CROCC: variants seen among roughly 807,000 people sequenced by gnomAD.
The protein encoded by CROCC is ciliary rootlet coiled-coil, rootletin, also known as rootletin.
CROCC carries 180 observed loss-of-function variants against 245.2 expected under a neutral mutation model. The observed-to-expected ratio is 0.73, with a 90% confidence interval of 0.65 to 0.83. CROCC has a LOEUF of 0.83. Among genes scored for constraint, CROCC ranks in the 40% least tolerant of loss-of-function variants. The probability of loss-of-function intolerance (pLI) is 0.00; values close to 1 mark genes in which losing one functional copy is unlikely to be tolerated. For missense variants in CROCC, 2,688 were observed against 2,779.4 expected, an observed-to-expected ratio of 0.97 and a Z score of 0.74; for synonymous variants, 1,205 against 1,241.6, an observed-to-expected ratio of 0.97 and a Z score of 0.62.
rs201086543 is a variant in CROCC at position 16,954,280 on chromosome 1, C to T, written c.3244C>T (p.Arg1082Trp). 34 of 1,611,830 alleles carry T rather than the reference C, an allele frequency of 2.1e-5. No homozygotes were observed. Among genetic ancestry groups the T allele is most frequent in the East Asian group, 4.5e-5 (2 of 44,878 alleles). The change falls in exon 22 of 37, where the codon CGG becomes TGG. Residue 1082 changes from arginine (R) to tryptophan (W), a missense_variant. This residue lies in a region of CROCC where 32 missense variants were observed against 54.1 expected (regional missense o/e 0.59). Coordinates refer to ENST00000375541, the MANE Select transcript of CROCC (RefSeq NM_014675.5). This position sits in a 1 kb window ranked among gnomAD's most constrained non-coding sequence, Gnocchi z 4.4. ...TALSEKLMGT[R>W]HSLATISLEM... is the part of the protein sequence containing the mutation. Reference sequence around the variant, plus strand: ...GCTGTCAGAGAAGTTGATGGGTACACGGCACAGCCTGGCCACCATCTCCCT... The same window carrying T: ...GCTGTCAGAGAAGTTGATGGGTACATGGCACAGCCTGGCCACCATCTCCCT...
At chr1:16,945,405 C>A in intron 14 of CROCC, 57 bp from the exon 15 acceptor site, 1 of 1,608,304 alleles carries the variant, frequency 6.2e-7, no homozygotes, top group East Asian at 2.2e-5. Context: ...TCGCTGGCTA[C>A]AGGAGGTTCG....
chr1:16,938,890 CT>C lies in CROCC; in HGVS notation c.1375-18del. 3 of 1,603,798 alleles carry C rather than the reference CT, an allele frequency of 1.9e-6. No homozygotes were observed. The highest frequency in any genetic ancestry group is 2.6e-6 in the Non-Finnish European group (3 of 1,176,100). ...TCCTAACTCAGCAGCCTCCTTCTGC[CT>C]CCCTCCCCCACCCTCAGGCCGTCTT... On this transcript the variant is annotated intron_variant, in intron 11 of 36. Transcript: ENST00000375541.
chr1:16,929,290 A>G (rs1466493236), intron 3 of CROCC, among the ~76,000 whole-genome samples: 1 of 152,274 alleles, frequency 6.6e-6, no homozygotes, highest in Non-Finnish European at 1.5e-5. Context: ...TCAGATATGC[A>G]TAGACAGATT....
chr1:16,928,095 G>A (rs1324331583), intron 3 of CROCC, among the ~76,000 whole-genome samples: 5 of 152,286 alleles, frequency 3.3e-5, no homozygotes, highest in African/African-American at 1.2e-4. Context: ...GAGAGCAGCT[G>A]CCCTCCTGTT....
intron 14 of CROCC, among the ~76,000 whole-genome samples, chr1:16,944,764 T>C (rs1317001681): frequency 6.6e-6 from 1 of 152,270 alleles, no homozygotes; most frequent in African/African-American, 2.4e-5. Flanking sequence ...AGAGCCAGGA[T>C]TTGAACCCAG....
At chr1:16,922,156 G>A (rs1283376443) in intron 1 of CROCC, 78 bp downstream of exon 1, 75 of 1,354,690 alleles carry the variant, frequency 5.5e-5, no homozygotes, top group South Asian at 8.9e-5. Flanking sequence ...AGGTGTGTGC[G>A]TCTTGGGGAT....
At position 16,970,319 on chromosome 1, in the gene CROCC, C is replaced by T. The variant is rs747608578; in HGVS notation, c.5518C>T (p.Arg1840Trp). ...LNTVQKLQDERRLLQERLGSL... is the reference protein window; with the variant it reads ...LNTVQKLQDEWRLLQERLGSL... ...CACCGTCCAGAAGCTGCAAGACGAGCGGCGGCTGCTGCAGGAGCGCCTGGG... is the reference window on the plus strand; with the variant it reads ...CACCGTCCAGAAGCTGCAAGACGAGTGGCGGCTGCTGCAGGAGCGCCTGGG... The change falls in exon 34 of 37, where the codon CGG (arginine) becomes TGG (tryptophan). Residue 1840 changes from arginine (R) to tryptophan (W), a missense_variant. By Grantham distance (101) the Arg-to-Trp change is moderately radical (BLOSUM62 -3). This residue lies in a region of CROCC where 1,218 missense variants were observed against 1,286.3 expected (regional missense o/e 0.95). Coordinates refer to ENST00000375541, the MANE Select transcript of CROCC (RefSeq NM_014675.5). The T allele has an allele frequency of 2.1e-5, 34 of 1,584,752 alleles. No individual in the cohort carries two copies. The highest frequency in any genetic ancestry group is 2.6e-5 in the Non-Finnish European group (30 of 1,166,828).
intron 26 of CROCC, 94 bp from the exon 27 acceptor site, chr1:16,960,664 C>G: frequency 7.4e-7 from 1 of 1,345,858 alleles, no homozygotes; most frequent in Non-Finnish European, 9.5e-7. Context: ...ACTGACCACA[C>G]AGTCAGGGAT....
chr1:16,943,647 C>T (rs1421646722), intron 13 of CROCC, among the ~76,000 whole-genome samples: 1 of 152,294 alleles, frequency 6.6e-6, no homozygotes, highest in Non-Finnish European at 1.5e-5. Flanking sequence ...GTTCCCTTCT[C>T]CTCCCTCCCC....
At chr1:16,937,383 T>C (rs1570624916) in intron 9 of CROCC, among the ~76,000 whole-genome samples, 1 of 150,374 alleles carries the variant, frequency 6.7e-6, no homozygotes, top group South Asian at 2.1e-4. Flanking sequence ...AAAGAACTCG[T>C]GCCCCTTACT....
intron 2 of CROCC, 57 bp from the exon 3 acceptor site, chr1:16,924,268 G>A (rs2075478066): frequency 5.7e-6 from 9 of 1,586,838 alleles, no homozygotes; most frequent in Middle Eastern, 2.1e-4. Flanking sequence ...TCCCTGTTGG[G>A]GGGAGGATGT....
chr1:16,936,613 C>T (rs1467953971), intron 8 of CROCC, 24 bp from the exon 9 acceptor site: 1 of 1,555,640 alleles, frequency 6.4e-7, no homozygotes, highest in Non-Finnish European at 8.7e-7. Flanking sequence ...CCCATCCATC[C>T]CCAGCCTGTG....
At position 16,931,510 on chromosome 1, in the gene CROCC, C is replaced by T. The variant is rs112098047; in HGVS notation, c.956+113C>T. The T allele has an allele frequency of 1.0e-3, 1,059 of 1,029,092 alleles. No homozygotes were observed. In the African/African-American group the frequency reaches 0.011, roughly 10 times the overall value. 63.7% of individuals were successfully genotyped at this position (1,029,092 alleles called of 1,614,324 possible). ...CAACGCACTTACTGTGCACAAGGGCCGGTGAGGACACAGAGGCAACTTGTA... is the reference window on the plus strand; with the variant it reads ...CAACGCACTTACTGTGCACAAGGGCTGGTGAGGACACAGAGGCAACTTGTA... On this transcript the variant is annotated intron_variant, in intron 8 of 36. Transcript: ENST00000375541.
At chr1:16,948,292 G>T in intron 17 of CROCC, 39 bp from the exon 18 acceptor site, 1 of 1,505,838 alleles carries the variant, frequency 6.6e-7, no homozygotes, top group Non-Finnish European at 8.8e-7. Context: ...CAAGCTGGGG[G>T]ACGCTGGGAG....
In CROCC at chr1:16,953,411, G is replaced by C; in HGVS notation, c.3116G>C (p.Ser1039Thr). The C allele has an allele frequency of 1.2e-6, 2 of 1,610,974 alleles. No individual in the cohort carries two copies. The highest frequency in any genetic ancestry group is 1.7e-6 in the Non-Finnish European group (2 of 1,179,894). ...CTGGAGGCTGAGAAGGAAGAGCTGA[G>C]TGAGGAGATTGCTGCCCTGCAGCAG... Reference protein sequence around the residue: ...ARLEAEKEELSEEIAALQQER... With the variant: ...ARLEAEKEELTEEIAALQQER... Residue 1039 changes from serine (S) to threonine (T), a missense_variant, in exon 21 of 37, where the codon AGT (serine) becomes ACT (threonine). This residue lies in a region of CROCC where 106 missense variants were observed against 126.1 expected (regional missense o/e 0.84). Transcript: ENST00000375541.
intron 13 of CROCC, among the ~76,000 whole-genome samples, chr1:16,942,552 T>C (rs1281214166): frequency 6.6e-6 from 1 of 152,294 alleles, no homozygotes; most frequent in African/African-American, 2.4e-5. Flanking sequence ...TGTGCCAGGC[T>C]CTTGGCCGAG....
At chr1:16,915,501 G>T (rs1490292835) in intron 1 of CROCC, among the ~76,000 whole-genome samples, 1 of 152,156 alleles carries the variant, frequency 6.6e-6, no homozygotes, top group Admixed American at 6.5e-5. Flanking sequence ...TTAGCCAGAC[G>T]TGGTGGCACG....
At chr1:16,962,775 G>C (rs2076355697) in intron 27 of CROCC, among the ~76,000 whole-genome samples, 2 of 150,342 alleles carry the variant, frequency 1.3e-5, no homozygotes, top group Admixed American at 6.6e-5. Context: ...CACCATGTTG[G>C]ACAGGCTGGT....
chr1:16,967,973 G>C (rs1557643398), intron 30 of CROCC, among the ~76,000 whole-genome samples: 1 of 152,188 alleles, frequency 6.6e-6, no homozygotes, highest in Non-Finnish European at 1.5e-5. Context: ...GGGTTCCACA[G>C]CCCATTGGCC....
Sources: gnomAD v4.1 joint callset for allele counts (sites outside exome capture counted in the v4.1 genomes callset) on GRCh38, gnomAD v4.1.1 for gene constraint, gnomAD v4.1.1 regional missense constraint, Gnocchi (gnomAD v3.1) non-coding constraint, MANE v1.5 for transcripts, NCBI Gene and HGNC (gene_info 2026-07-23, HGNC 2026-07-21) for gene names.